KCNN2: variants seen among roughly 807,000 people sequenced by gnomAD.
KCNN2 encodes potassium calcium-activated channel subfamily N member 2.
In KCNN2, 24 loss-of-function variants were observed where a neutral mutation model predicts 55.5. The ratio of observed to expected loss-of-function variants is 0.43; its 90% CI spans 0.31 to 0.61. The LOEUF is 0.61. Among genes scored for constraint, KCNN2 ranks in the 20% least tolerant of loss-of-function variants. KCNN2 has a pLI of 0.08. For missense variants in KCNN2, 754 were observed against 853.6 expected (o/e 0.88, Z 1.45); for synonymous variants, 431 against 336.1 (o/e 1.28, Z -3.09).
At chr5:114,216,219 GA>G (rs1753997657) in intron 1 of KCNN2, among the ~76,000 whole-genome samples, 1 of 152,026 alleles carries the variant, frequency 6.6e-6, no homozygotes, top group South Asian at 2.1e-4. Context: ...GAGAAACAAT[GA>G]AAAACAAAGT....
At chr5:114,131,012 A>G (rs1025157639) in intron 1 of KCNN2, among the ~76,000 whole-genome samples, 7 of 152,358 alleles carry the variant, frequency 4.6e-5, no homozygotes, top group African/African-American at 1.7e-4. Flanking sequence ...AAATGTGAAC[A>G]TCCAAAAGTA....
At chr5:114,354,436 G>T (rs926962204) in intron 2 of KCNN2, among the ~76,000 whole-genome samples, 1 of 152,040 alleles carries the variant, frequency 6.6e-6, no homozygotes, top group African/African-American at 2.4e-5. Flanking sequence ...CCCTCTGAAT[G>T]ATTTGGGTAT....
At chr5:114,066,778 A>G (rs1179492368) in intron 1 of KCNN2, among the ~76,000 whole-genome samples, 2 of 152,132 alleles carry the variant, frequency 1.3e-5, no homozygotes, top group Non-Finnish European at 2.9e-5. Context: ...ATGGGGTTTC[A>G]TCATGTTGGC....
intron 3 of KCNN2, among the ~76,000 whole-genome samples, chr5:114,409,983 A>C (rs1448517701): frequency 1.3e-5 from 2 of 152,280 alleles, no homozygotes; most frequent in Middle Eastern, 6.8e-3. Context: ...AGACCAGACC[A>C]CAGTAATCTA....
chr5:114,496,287 C>A lies in KCNN2; in HGVS notation c.*105C>A. 1 of 1,248,448 alleles carries A rather than the reference C, an allele frequency of 8.0e-7. No homozygotes were observed. Among genetic ancestry groups the A allele is most frequent in the Non-Finnish European group, 1.1e-6 (1 of 913,970 alleles). 77.3% of individuals were successfully genotyped at this position (1,248,448 alleles called of 1,614,324 possible). On this transcript the variant is annotated 3_prime_UTR_variant, in exon 8 of 8. Coordinates refer to ENST00000673685, the MANE Select transcript of KCNN2 (RefSeq NM_021614.4). ...GGTTCTAATCAGCGTTATCCGGGTT[C>A]TGATGTCAGAATCCTGGGAACCTGA...
At chr5:114,234,031 T>A (rs888233565) in intron 2 of KCNN2, among the ~76,000 whole-genome samples, 1 of 152,070 alleles carries the variant, frequency 6.6e-6, no homozygotes, top group African/African-American at 2.4e-5. Flanking sequence ...TCTAGCTTTT[T>A]TTTTTTGGTT....
intron 1 of KCNN2, among the ~76,000 whole-genome samples, chr5:114,060,717 A>G (rs940127528): frequency 6.6e-6 from 1 of 152,254 alleles, no homozygotes; most frequent in Non-Finnish European, 1.5e-5. Flanking sequence ...AATGTGGATA[A>G]TAACAAAACC....
intron 1 of KCNN2, among the ~76,000 whole-genome samples, chr5:114,209,491 T>G (rs1322807445): frequency 1.3e-5 from 2 of 152,088 alleles, no homozygotes; most frequent in Non-Finnish European, 2.9e-5. Flanking sequence ...ACCAAAAAGT[T>G]GGCACCTGAT....
At position 114,362,947 on chromosome 5, in the gene KCNN2, G is replaced by GCCT. The variant is rs1199820932; in HGVS notation, c.809_810insCTC (p.Ala270_Val271insSer). The stretch of plus-strand genomic sequence containing the variant: ...GTCTGCAGCCGCTGCCGCCGCCGCC[G>GCCT]CTGTTTCGTCCTCAGCCCCCGAGAT... On this transcript the variant is annotated inframe_insertion, in exon 1 of 8. Coordinates refer to ENST00000673685, the MANE Select transcript of KCNN2 (RefSeq NM_021614.4). 9.4e-6 allele frequency: 15 copies of GCCT among 1,588,432 alleles called. No homozygotes were observed. The highest frequency in any genetic ancestry group is 1.3e-5 in the Non-Finnish European group (15 of 1,174,364).
intron 3 of KCNN2, among the ~76,000 whole-genome samples, chr5:114,443,504 T>C (rs146968128): frequency 0.013 from 1,962 of 152,326 alleles, 150 homozygotes; most frequent in Admixed American, 0.12. Flanking sequence ...ATGTAAGGAA[T>C]GCCTTGCTTC....
chr5:114,377,157 C>T (rs185127560), intron 2 of KCNN2, among the ~76,000 whole-genome samples: 3 of 152,184 alleles, frequency 2.0e-5, no homozygotes, highest in African/African-American at 7.2e-5. Context: ...AGGAGCAGCT[C>T]TTCCTACCCA....
chr5:114,448,199 C>G (rs930127622), intron 3 of KCNN2, among the ~76,000 whole-genome samples: 2 of 152,168 alleles, frequency 1.3e-5, no homozygotes, highest in African/African-American at 4.8e-5. Flanking sequence ...TTTCTTGTTA[C>G]CCAACTCTTC....
chr5:114,436,538 G>C (rs1760010322), intron 3 of KCNN2, among the ~76,000 whole-genome samples: 1 of 152,170 alleles, frequency 6.6e-6, no homozygotes. Context: ...CCTGACTTTG[G>C]CCTTGCTATT....
At chr5:114,390,011 T>C (rs1049343592) in intron 2 of KCNN2, among the ~76,000 whole-genome samples, 1 of 152,198 alleles carries the variant, frequency 6.6e-6, no homozygotes, top group African/African-American at 2.4e-5. Context: ...TTCTTTCAAT[T>C]GCCTGTGCTT....
intron 1 of KCNN2, among the ~76,000 whole-genome samples, chr5:114,213,397 T>G (rs1373142667): frequency 6.6e-6 from 1 of 151,138 alleles, no homozygotes; most frequent in East Asian, 1.9e-4. Context: ...CCTTGGTTTC[T>G]CTTTTTTTTT....
chr5:114,202,234 G>A (rs888340640), intron 1 of KCNN2, among the ~76,000 whole-genome samples: 2 of 151,920 alleles, frequency 1.3e-5, no homozygotes, highest in Admixed American at 6.6e-5. Flanking sequence ...ACATCTCTGT[G>A]CAATCTTTAG....
chr5:114,494,910 C>T (rs1001507138), intron 7 of KCNN2, among the ~76,000 whole-genome samples: 1 of 152,052 alleles, frequency 6.6e-6, no homozygotes, highest in Non-Finnish European at 1.5e-5. Flanking sequence ...AGAAGAAGAG[C>T]ATATGATAGA....
chr5:114,065,040 C>G (rs1016204858), intron 1 of KCNN2, among the ~76,000 whole-genome samples: 2 of 152,174 alleles, frequency 1.3e-5, no homozygotes, highest in Admixed American at 6.5e-5. Flanking sequence ...TATTCCCACA[C>G]TGGCTACTGT....
At chr5:114,455,091 G>A (rs1035914003) in intron 3 of KCNN2, among the ~76,000 whole-genome samples, 2 of 151,644 alleles carry the variant, frequency 1.3e-5, no homozygotes, top group Non-Finnish European at 2.9e-5. Flanking sequence ...TGTTACTTCA[G>A]TGGTTCCTTT....
Sources: gnomAD v4.1 joint callset for allele counts (sites outside exome capture counted in the v4.1 genomes callset) on GRCh38, gnomAD v4.1.1 for gene constraint, MANE v1.5 for transcripts, NCBI Gene and HGNC (gene_info 2026-07-23, HGNC 2026-07-21) for gene names.